The following BACE2 variants were observed in gnomAD, a reference collection of about 807,000 sequenced individuals.
BACE2 encodes the protein 56 kDa aspartic-like protease.
Under a neutral mutation model 46.2 loss-of-function variants are expected in BACE2, and 17 were observed. That is an observed-to-expected ratio of 0.37 (90% CI 0.25 to 0.55). The LOEUF (loss-of-function observed/expected upper bound fraction) is 0.55, where lower values mean the gene tolerates loss of function less well. Among genes scored for constraint, BACE2 ranks in the 20% least tolerant of loss-of-function variants. The pLI is 0.82. For missense variants in BACE2, 595 were observed against 698.1 expected (o/e 0.85, Z 1.66); for synonymous variants, 277 against 295.9 (o/e 0.94, Z 0.66).
At chr21:41,231,959 G>A (rs1986977051) in intron 2 of BACE2, among the ~76,000 whole-genome samples, 1 of 151,844 alleles carries the variant, frequency 6.6e-6, no homozygotes, top group African/African-American at 2.4e-5. Context: ...TCTTCTCTGG[G>A]GTTTTACTCA....
At chr21:41,203,369 A>G (rs1246193001) in intron 1 of BACE2, among the ~76,000 whole-genome samples, 1 of 152,092 alleles carries the variant, frequency 6.6e-6, no homozygotes, top group Non-Finnish European at 1.5e-5. Flanking sequence ...GTGTCCAGGC[A>G]GAAGGAAGAG....
intron 1 of BACE2, among the ~76,000 whole-genome samples, chr21:41,194,311 C>T (rs919282133): frequency 6.6e-6 from 1 of 152,124 alleles, no homozygotes; most frequent in African/African-American, 2.4e-5. Flanking sequence ...GCCCACCTGA[C>T]CTTATCATAT....
At chr21:41,270,422 A>G (rs1450501223) in intron 8 of BACE2, among the ~76,000 whole-genome samples, 5 of 152,160 alleles carry the variant, frequency 3.3e-5, no homozygotes, top group South Asian at 2.1e-4. Context: ...CAAAGATTTT[A>G]TATATATATA....
chr21:41,248,283 G>A (rs1987532234), intron 6 of BACE2, among the ~76,000 whole-genome samples: 1 of 152,218 alleles, frequency 6.6e-6, no homozygotes, highest in Non-Finnish European at 1.5e-5. Flanking sequence ...GGCTCCCAAG[G>A]ACACGTGGCT....
chr21:41,264,575 G>A (rs1254115827), intron 8 of BACE2, among the ~76,000 whole-genome samples: 1 of 152,080 alleles, frequency 6.6e-6, no homozygotes, highest in South Asian at 2.1e-4. Flanking sequence ...CAGTCTTCAC[G>A]TGGCCAGAGC....
intron 8 of BACE2, among the ~76,000 whole-genome samples, chr21:41,268,908 A>C (rs577324890): frequency 6.6e-6 from 1 of 152,198 alleles, no homozygotes; most frequent in Admixed American, 6.5e-5. Flanking sequence ...CCATGTAGTC[A>C]GCGTGACTGA....
Position 41,275,819 on chromosome 21 carries a change from C to A in BACE2, c.*195C>A. 1 of 688,024 alleles carries A rather than the reference C, an allele frequency of 1.5e-6. No individual in the cohort carries two copies. 42.6% of individuals were successfully genotyped at this position (688,024 alleles called of 1,614,324 possible). ...CAAGCTTTCAAATCCTCCCTACTTCCAAGAAAAATAATTAAAAAAAAAACT... is the reference window on the plus strand; with the variant it reads ...CAAGCTTTCAAATCCTCCCTACTTCAAAGAAAAATAATTAAAAAAAAAACT... On this transcript the variant is annotated 3_prime_UTR_variant, in exon 9 of 9. Transcript: ENST00000330333.
chr21:41,196,149 T>G (rs1393452790), intron 1 of BACE2, among the ~76,000 whole-genome samples: 1 of 151,808 alleles, frequency 6.6e-6, no homozygotes, highest in Admixed American at 6.6e-5. Context: ...AAAATAAAAA[T>G]TAGCCAGGCA....
At chr21:41,246,883 G>C (rs1430680559) in intron 6 of BACE2, among the ~76,000 whole-genome samples, 1 of 152,196 alleles carries the variant, frequency 6.6e-6, no homozygotes, top group African/African-American at 2.4e-5. Flanking sequence ...GGGTGGTTGT[G>C]AGTTTTGGGT....
intron 1 of BACE2, chr21:41,183,586 G>A (rs1187968696): frequency 6.0e-6 from 1 of 167,072 alleles, no homozygotes; most frequent in African/African-American, 2.4e-5. Flanking sequence ...AAAAGGGGAG[G>A]AAGCAAACTG....
At position 41,237,519 on chromosome 21, in the gene BACE2, C is replaced by G. The variant is rs1317862763; in HGVS notation, c.408C>G (p.Ser136Arg). 3.7e-6 allele frequency: 6 copies of G among 1,613,202 alleles called. No individual in the cohort carries two copies. Among genetic ancestry groups the G allele is most frequent in the Non-Finnish European group, 4.2e-6 (5 of 1,179,156 alleles). Reference protein sequence around the residue: ...IDTYFDTERSSTYRSKGFDVT... With the variant: ...IDTYFDTERSRTYRSKGFDVT... The stretch of plus-strand genomic sequence containing the variant: ...TTTTCTTTTCTTTCTCCAGGTCTAG[C>G]ACATACCGCTCCAAGGGCTTTGACG... The change falls in exon 3 of 9, where the codon AGC becomes AGG. Residue 136 changes from serine to arginine, a missense_variant. Transcript: ENST00000330333.
intron 8 of BACE2, among the ~76,000 whole-genome samples, chr21:41,269,911 T>C (rs1344919389): frequency 6.6e-6 from 1 of 152,254 alleles, no homozygotes; most frequent in Non-Finnish European, 1.5e-5. Flanking sequence ...CTTAAAAAGC[T>C]GCCAAACTCA....
At chr21:41,206,142 G>A (rs369282204) in intron 1 of BACE2, among the ~76,000 whole-genome samples, 2 of 152,204 alleles carry the variant, frequency 1.3e-5, no homozygotes, top group South Asian at 4.1e-4. Context: ...TAATGTCAAT[G>A]TATTTCTCTT....
chr21:41,228,629 G>T (rs1986886839), intron 2 of BACE2, among the ~76,000 whole-genome samples: 1 of 152,186 alleles, frequency 6.6e-6, no homozygotes, highest in South Asian at 2.1e-4. Flanking sequence ...GGAGCTAACA[G>T]AGTGAGATCT....
chr21:41,276,331 C>G lies in BACE2; in HGVS notation c.*707C>G, dbSNP rs2088489326. 1 of 152,334 alleles carries G rather than the reference C, an allele frequency of 6.6e-6. No homozygotes were observed. The highest frequency in any genetic ancestry group is 2.1e-4 in the South Asian group (1 of 4,822). The allele number at this position is 152,334 out of a possible 1,614,324, so 9.4% of individuals were successfully genotyped here. A position where few individuals can be genotyped will look rare whatever the true frequency, so the allele number is the denominator to read the frequency against. On this transcript the variant is annotated 3_prime_UTR_variant, in exon 9 of 9. Coordinates refer to ENST00000330333, the MANE Select transcript of BACE2 (RefSeq NM_012105.5). ...GAAATCTCCTCTTTTGTACCCAATACTTATGTTGTATTGTTGGTGCGAAAG... is the reference window on the plus strand; with the variant it reads ...GAAATCTCCTCTTTTGTACCCAATAGTTATGTTGTATTGTTGGTGCGAAAG...
intron 1 of BACE2, among the ~76,000 whole-genome samples, chr21:41,188,080 CA>C (rs1985440830): frequency 6.6e-6 from 1 of 152,128 alleles, no homozygotes; most frequent in Non-Finnish European, 1.5e-5. Context: ...CCCTGTAGTC[CA>C]GGGGCAACTT....
At position 41,266,240 on chromosome 21, in the gene BACE2, C is replaced by T. The variant is rs534648692; in HGVS notation, c.1303+8914C>T. ...AATTGTACTTTAATGGGTTTTTAGT[C>T]ACTTTAAACACAGCTATGGTATAAT... On this transcript the variant is annotated intron_variant, in intron 8 of 8. Coordinates refer to ENST00000330333, the MANE Select transcript of BACE2 (RefSeq NM_012105.5). Among the ~76,000 whole-genome samples the T allele has an allele frequency of 3.3e-5, 5 of 152,140 alleles. No homozygotes were observed. The East Asian group carries it at 9.7e-4, about 29-fold the overall frequency.
In BACE2 at chr21:41,174,138, CCTTTT is replaced by C. The variant is rs1460897389; in HGVS notation, c.312+5564_312+5568del. Among the ~76,000 whole-genome samples the C allele has an allele frequency of 1.3e-3, 89 of 70,650 alleles. 2 individuals are homozygous for C. Among genetic ancestry groups the C allele is most frequent in the Middle Eastern group, 8.5e-3 (1 of 118 alleles). The allele number at this position is 70,650 out of a possible 152,430, so 46.3% of individuals were successfully genotyped here. The stretch of plus-strand genomic sequence containing the variant: ...TAAGGATAGCTGTTGTGATCAGTGG[CCTTTT>C]TTTTTTTTTTTTTTTTTTTTTAAAC... On this transcript the variant is annotated intron_variant, in intron 1 of 8. Transcript: ENST00000330333.
intron 1 of BACE2, chr21:41,175,340 G>A (rs1984782625): frequency 1.3e-5 from 2 of 152,210 alleles, no homozygotes; most frequent in Admixed American, 6.5e-5. Flanking sequence ...AGAGAGTAAC[G>A]TGGCGATGCC....
Sources: gnomAD v4.1 joint callset for allele counts (sites outside exome capture counted in the v4.1 genomes callset) on GRCh38, gnomAD v4.1.1 for gene constraint, MANE v1.5 for transcripts, NCBI Gene and HGNC (gene_info 2026-07-23, HGNC 2026-07-21) for gene names.